MXRA7: variants seen among roughly 807,000 people sequenced by gnomAD.
The protein encoded by MXRA7 is matrix remodeling associated 7, also known as matrix-remodeling-associated protein 7.
In MXRA7, 18 loss-of-function variants were observed where a neutral mutation model predicts 17.4. The ratio of observed to expected loss-of-function variants is 1.03; its 90% CI spans 0.71 to 1.53. MXRA7 has a LOEUF of 1.53. Among genes scored for constraint, MXRA7 ranks in the 40% most tolerant of loss-of-function variants. The pLI is 0.00. For synonymous variants in MXRA7, 70 were observed against 101.7 expected (o/e 0.69, Z 1.87); for missense variants, 141 against 209.3 (o/e 0.67, Z 2.01).
intron 3 of MXRA7, among the ~76,000 whole-genome samples, 189 bp downstream of exon 3, chr17:76,684,883 C>G (rs552438066): frequency 6.6e-6 from 1 of 152,070 alleles, no homozygotes; most frequent in Non-Finnish European, 1.5e-5. Flanking sequence ...CAGGGGTGTG[C>G]GAGCCTGGCT....
chr17:76,710,842 C>G lies in MXRA7; in HGVS notation c.105G>C (p.Pro35=). 1 of 969,392 alleles carries G rather than the reference C, an allele frequency of 1.0e-6. No individual in the cohort carries two copies. Among genetic ancestry groups the G allele is most frequent in the Non-Finnish European group, 1.2e-6 (1 of 818,052 alleles). The allele number at this position is 969,392 out of a possible 1,614,324, so 60.0% of individuals were successfully genotyped here. A position where few individuals can be genotyped will look rare whatever the true frequency, so the allele number is the denominator to read the frequency against. The change falls in exon 1 of 4, where the codon CCG becomes CCC. Residue 35 remains proline (P), a synonymous_variant. Coordinates refer to ENST00000449428, the MANE Select transcript of MXRA7 (RefSeq NM_198530.4). ...LLVRRGAAAS[P]EPARAPPEPA... is the part of the protein sequence containing the mutation. ...GTTCCGGGGGCGCGCGGGCAGGCTCCGGGCTCGCGGCCGCCCCACGCCGCA... is the reference window on the plus strand; with the variant it reads ...GTTCCGGGGGCGCGCGGGCAGGCTCGGGGCTCGCGGCCGCCCCACGCCGCA...
At chr17:76,688,744 TGGAA>T (rs2076441436) in intron 1 of MXRA7, 1 of 1,149,790 alleles carries the variant, frequency 8.7e-7, no homozygotes, top group East Asian at 3.2e-5. Flanking sequence ...ATGGCCTTGG[TGGAA>T]GGAAGAAGTG....
At chr17:76,684,823 T>C (rs1164918613) in intron 3 of MXRA7, among the ~76,000 whole-genome samples, 1 of 151,914 alleles carries the variant, frequency 6.6e-6, no homozygotes. Context: ...ATGGGCTCTG[T>C]ATCCCCCATC....
downstream of MXRA7, chr17:76,674,647 C>T (rs146131953): frequency 2.6e-5 from 4 of 152,506 alleles, no homozygotes; most frequent in African/African-American, 9.6e-5. Flanking sequence ...TATCACAGAT[C>T]CCCAGTGAAA....
At chr17:76,673,024 A>G (rs969110020) in exon 4 of MXRA7, 1 of 152,186 alleles carries the variant, frequency 6.6e-6, no homozygotes, top group Non-Finnish European at 1.5e-5. Flanking sequence ...TGGCCATGCT[A>G]TAGCCTGAGT....
intron 1 of MXRA7, among the ~76,000 whole-genome samples, chr17:76,695,982 C>G (rs1441809558): frequency 6.6e-6 from 1 of 151,922 alleles, no homozygotes; most frequent in Non-Finnish European, 1.5e-5. Flanking sequence ...GTAATCCCAG[C>G]TACTTGGGAG....
downstream of MXRA7, chr17:76,677,796 T>A: frequency 1.2e-6 from 1 of 834,208 alleles, no homozygotes; most frequent in Non-Finnish European, 2.0e-6. Flanking sequence ...GGGACTCTCC[T>A]CTCTCTTGTG....
exon 4 of MXRA7, chr17:76,673,108 A>C (rs1350478996): frequency 6.6e-6 from 1 of 152,242 alleles, no homozygotes; most frequent in Admixed American, 6.5e-5. Context: ...ATGGTCCATC[A>C]GCACCTGCCT....
At chr17:76,683,978 G>C in intron 3 of MXRA7, 2 of 1,417,786 alleles carry the variant, frequency 1.4e-6, no homozygotes, top group South Asian at 2.3e-5. Flanking sequence ...AGCATCCTCA[G>C]CACCTGAGGA....
rs147238653 is a variant in MXRA7 at position 76,706,938 on chromosome 17, CTGTG to C, written c.342+3663_342+3666del. On this transcript the variant is annotated intron_variant, in intron 1 of 3. Coordinates refer to ENST00000449428, the MANE Select transcript of MXRA7 (RefSeq NM_198530.4). ...CATTCTCTCTCTATACACACACACA[CTGTG>C]TGTGTGTGTGCATGTAACTATTTGA... Among the ~76,000 whole-genome samples, 940 of 151,800 alleles carry C rather than the reference CTGTG, an allele frequency of 6.2e-3. 17 individuals carry two copies. Among genetic ancestry groups the C allele is most frequent in the African/African-American group, 0.021 (886 of 41,434 alleles).
At chr17:76,688,781 G>C in intron 1 of MXRA7, 1 of 813,680 alleles carries the variant, frequency 1.2e-6, no homozygotes, top group Non-Finnish European at 1.7e-6. Flanking sequence ...AGGAATGTCA[G>C]AGGATGAGAG....
intron 1 of MXRA7, chr17:76,709,904 T>A (rs2076701013): frequency 6.6e-6 from 1 of 152,546 alleles, no homozygotes. Context: ...TTTGGGGTGC[T>A]CACTGGTGCT....
chr17:76,683,933 A>G, intron 3 of MXRA7: 1 of 1,612,548 alleles, frequency 6.2e-7, no homozygotes, highest in South Asian at 1.1e-5. Context: ...CAATCCTGAA[A>G]TATAAATGCA....
downstream of MXRA7, among the ~76,000 whole-genome samples, chr17:76,678,636 TCA>T (rs559722481): frequency 4.0e-4 from 61 of 152,254 alleles, no homozygotes; most frequent in African/African-American, 1.4e-3. Flanking sequence ...GTAAACCACA[TCA>T]CAGTGTCGGA....
intron 1 of MXRA7, among the ~76,000 whole-genome samples, chr17:76,704,366 C>T (rs1264467772): frequency 6.6e-6 from 1 of 150,644 alleles, no homozygotes; most frequent in African/African-American, 2.4e-5. Flanking sequence ...CCACCACGCC[C>T]GGCTAATTTT....
intron 1 of MXRA7, among the ~76,000 whole-genome samples, chr17:76,692,854 GGTCA>G (rs1156236329): frequency 6.6e-6 from 1 of 152,024 alleles, no homozygotes; most frequent in African/African-American, 2.4e-5. Context: ...ATCGACTGTT[GGTCA>G]GTGACGGGAA....
downstream of MXRA7, chr17:76,676,994 A>T (rs1192141104): frequency 2.6e-5 from 4 of 151,980 alleles, no homozygotes; most frequent in African/African-American, 9.7e-5. Flanking sequence ...CGTAAGGCAG[A>T]ATAAGAGTGT....
At chr17:76,700,790 C>T (rs1173215094) in intron 1 of MXRA7, among the ~76,000 whole-genome samples, 1 of 152,102 alleles carries the variant, frequency 6.6e-6, no homozygotes, top group African/African-American at 2.4e-5. Flanking sequence ...GAAAGCCAAA[C>T]GTGATGATAC....
At chr17:76,710,499 A>G in intron 1 of MXRA7, 106 bp downstream of exon 1, 2 of 962,780 alleles carry the variant, frequency 2.1e-6, no homozygotes, top group Non-Finnish European at 2.6e-6. Flanking sequence ...TCCTGGGGGC[A>G]GCCTGGGCTG....
Sources: gnomAD v4.1 joint callset for allele counts (sites outside exome capture counted in the v4.1 genomes callset) on GRCh38, gnomAD v4.1.1 for gene constraint, MANE v1.5 for transcripts, NCBI Gene and HGNC (gene_info 2026-07-23, HGNC 2026-07-21) for gene names.